OCRL: variants seen among roughly 807,000 people sequenced by gnomAD.
OCRL encodes the protein OCRL inositol polyphosphate-5-phosphatase.
In OCRL, 8 loss-of-function variants were observed where a neutral mutation model predicts 78.9. The ratio of observed to expected loss-of-function variants is 0.10; its 90% CI spans 0.06 to 0.18. OCRL has a LOEUF of 0.18. Among genes scored for constraint, OCRL ranks in the 10% least tolerant of loss-of-function variants. OCRL has a pLI of 1.00. For missense variants in OCRL, 454 were observed against 696.7 expected, an observed-to-expected ratio of 0.65 and a Z score of 3.92; for synonymous variants, 240 against 235.4, an observed-to-expected ratio of 1.02 and a Z score of -0.18.
intron 18 of OCRL, among the ~76,000 whole-genome samples, 167 bp downstream of exon 18, chrX:129,576,719 G>A (rs1311330411): frequency 8.9e-6 from 1 of 112,015 alleles, no homozygotes; most frequent in Non-Finnish European, 1.9e-5. Context: ...AAGCCTAAGG[G>A]GAAAGAGGGG....
chrX:129,567,203 T>G, intron 13 of OCRL, 51 bp from the exon 14 acceptor site: 2 of 844,243 alleles, frequency 2.4e-6, no homozygotes, highest in Non-Finnish European at 3.6e-6. Flanking sequence ...GATTATCTCT[T>G]ATATTAAGAT....
chrX:129,549,578 G>T (rs1421351185), intron 4 of OCRL: 1 of 111,130 alleles, frequency 9.0e-6, no homozygotes. Flanking sequence ...TGCCTGAAAG[G>T]CCAGGTAAAC....
At chrX:129,574,336 G>C (rs747451866) in intron 15 of OCRL, among the ~76,000 whole-genome samples, 2 of 112,517 alleles carry the variant, frequency 1.8e-5, no homozygotes, top group Non-Finnish European at 3.8e-5. Flanking sequence ...GCATTGGTTT[G>C]TATGAAGTTT....
rs184058303 is a variant in OCRL at position 129,553,434 on chromosome X, G to A, written c.239-3891G>A. On this transcript the variant is annotated intron_variant, in intron 4 of 23. Transcript: ENST00000371113. ...GGACTGGAATTGGAGGGAAATCTGA[G>A]ATCCAGGAAGATTTTTGTTTTTCAG... Among the ~76,000 whole-genome samples the A allele has an allele frequency of 4.5e-5, 5 of 112,071 alleles. No individual in the cohort carries two copies. The East Asian group carries it at 1.1e-3, about 25-fold the overall frequency.
intron 15 of OCRL, among the ~76,000 whole-genome samples, chrX:129,571,016 A>G (rs1264276846): frequency 8.9e-6 from 1 of 112,389 alleles, no homozygotes; most frequent in African/African-American, 3.2e-5. Context: ...CAGCAAGTTG[A>G]AATAACTTAT....
intron 4 of OCRL, among the ~76,000 whole-genome samples, chrX:129,551,058 C>T (rs750149888): frequency 9.0e-6 from 1 of 110,723 alleles, no homozygotes; most frequent in East Asian, 2.8e-4. Context: ...TTTTATTCTT[C>T]CTTATTTGAC....
chrX:129,590,988 T>C lies in OCRL; in HGVS notation c.*718T>C, dbSNP rs1468734823. 1 of 113,990 alleles carries C rather than the reference T, an allele frequency of 8.8e-6. No individual in the cohort carries two copies. Among genetic ancestry groups the C allele is most frequent in the African/African-American group, 3.3e-5 (1 of 30,729 alleles). 9.4% of individuals were successfully genotyped at this position (113,990 alleles called of 1,213,427 possible). A position where few individuals can be genotyped will look rare whatever the true frequency, so the allele number is the denominator to read the frequency against. ...TCTCATCGATGAGAGAGAATCACAA[T>C]CAGAATGGAAGCACTTTGAGTATCT... On this transcript the variant is annotated 3_prime_UTR_variant, in exon 24 of 24. Transcript: ENST00000371113.
intron 18 of OCRL, 123 bp downstream of exon 18, chrX:129,576,675 A>G: frequency 1.8e-6 from 1 of 548,673 alleles, no homozygotes; most frequent in Non-Finnish European, 3.1e-6. Context: ...AATGATAAAG[A>G]AGAATGTTAC....
chrX:129,567,414 T>C (rs1936231176), intron 14 of OCRL, 51 bp downstream of exon 14: 1 of 900,167 alleles, frequency 1.1e-6, no homozygotes, highest in Non-Finnish European at 1.6e-6. Flanking sequence ...TGATCTTATT[T>C]CTGACCCTCC....
Position 129,540,323 on chromosome X carries a change from C to G in OCRL, c.-117C>G, listed in dbSNP as rs1413350661. On this transcript the variant is annotated 5_prime_UTR_variant, in exon 1 of 24. Coordinates refer to ENST00000371113, the MANE Select transcript of OCRL (RefSeq NM_000276.4). ...CCGGCTCCCGGCGCCCGGCGCCCGG[C>G]GCGGAGCTGTTCCTCAAACGACACG... 2 of 835,213 alleles carry G rather than the reference C, an allele frequency of 2.4e-6. No homozygotes were observed. Among genetic ancestry groups the G allele is most frequent in the Non-Finnish European group, 3.4e-6 (2 of 585,796 alleles). The allele number at this position is 835,213 out of a possible 1,213,427, so 68.8% of individuals were successfully genotyped here.
intron 18 of OCRL, among the ~76,000 whole-genome samples, chrX:129,577,572 G>C (rs778144466): frequency 8.9e-6 from 1 of 111,829 alleles, no homozygotes; most frequent in East Asian, 2.8e-4. Context: ...GCGAGTGATT[G>C]TATCTAGCAG....
At position 129,585,054 on chromosome X, in the gene OCRL, T is replaced by TG. The variant is rs780600021; in HGVS notation, c.2139+690dup. On this transcript the variant is annotated intron_variant, in intron 19 of 23. Coordinates refer to ENST00000371113, the MANE Select transcript of OCRL (RefSeq NM_000276.4). Reference sequence around the variant, plus strand: ...TAACACTAAGTAAGGTTACAGAGTGTGGGCTTATCAGGCGCTGAATGTGTC... The same window carrying TG: ...TAACACTAAGTAAGGTTACAGAGTGTGGGGCTTATCAGGCGCTGAATGTGTC... Among the ~76,000 whole-genome samples the TG allele has an allele frequency of 2.0e-4, 23 of 112,456 alleles. No individual in the cohort carries two copies. In the East Asian group the frequency reaches 5.0e-3, roughly 25 times the overall value.
At chrX:129,575,611 C>T (rs1029623322) in intron 16 of OCRL, 2 of 395,929 alleles carry the variant, frequency 5.1e-6, no homozygotes, top group African/African-American at 5.0e-5. Context: ...AGGACTTGGT[C>T]ACAGGATGAA....
intron 18 of OCRL, among the ~76,000 whole-genome samples, chrX:129,579,961 T>C (rs1377599165): frequency 8.9e-6 from 1 of 112,098 alleles, no homozygotes; most frequent in East Asian, 2.8e-4. Flanking sequence ...TGGAAAGTCG[T>C]TTAAAGTGAC....
intron 4 of OCRL, among the ~76,000 whole-genome samples, chrX:129,555,000 T>TAAAAAAAA (rs78547580): frequency 6.3e-5 from 6 of 95,582 alleles, no homozygotes; most frequent in African/African-American, 2.5e-4. Flanking sequence ...AATAAATAAA[T>TAAAAAAAA]AAAAATAAGA....
At chrX:129,546,850 C>G (rs945641103) in intron 3 of OCRL, among the ~76,000 whole-genome samples, 2 of 111,518 alleles carry the variant, frequency 1.8e-5, no homozygotes, top group Non-Finnish European at 3.8e-5. Flanking sequence ...ACACATGTAA[C>G]GTAGTTCCCC....
Position 129,568,454 on chromosome X carries a change from G to A in OCRL, c.1467-810G>A, listed in dbSNP as rs1056004851. 4.5e-5 allele frequency among the ~76,000 whole-genome samples: 5 copies of A among 111,778 alleles called. 1 individual carries two copies. Among genetic ancestry groups the A allele is most frequent in the African/African-American group, 1.6e-4 (5 of 30,728 alleles). On this transcript the variant is annotated intron_variant, in intron 14 of 23. Transcript: ENST00000371113. ...AGAGTACTGGCATGGGTGGGGAGTC[G>A]ATATTCCTATGCTCCTAGGTAACTG...
intron 12 of OCRL, among the ~76,000 whole-genome samples, chrX:129,563,285 T>A (rs1936169416): frequency 9.0e-6 from 1 of 111,663 alleles, no homozygotes; most frequent in African/African-American, 3.3e-5. Flanking sequence ...GCTGTATGCA[T>A]AAGCTATATA....
At chrX:129,574,551 A>G (rs1936344001) in intron 15 of OCRL, among the ~76,000 whole-genome samples, 1 of 112,307 alleles carries the variant, frequency 8.9e-6, no homozygotes, top group Non-Finnish European at 1.9e-5. Context: ...GTGATATTAT[A>G]CTTCTTGGTA....
Sources: allele counts gnomAD v4.1 joint callset (sites outside exome capture counted in the v4.1 genomes callset), GRCh38; gene constraint gnomAD v4.1.1; transcripts MANE v1.5; gene names NCBI Gene and HGNC (gene_info 2026-07-23, HGNC 2026-07-21).